CNIH3: variants seen among roughly 807,000 people sequenced by gnomAD.
CNIH3 encodes cornichon family AMPA receptor auxiliary protein 3, also known as protein cornichon homolog 3.
In CNIH3, 14 loss-of-function variants were observed where a neutral mutation model predicts 24.1. The observed-to-expected ratio is 0.58, with a 90% confidence interval of 0.38 to 0.91. The LOEUF (loss-of-function observed/expected upper bound fraction) is 0.91. Ranked by LOEUF, CNIH3 falls within the 40% of genes least tolerant of loss-of-function variation. The pLI, the probability that CNIH3 is intolerant of heterozygous loss-of-function variation, is 0.00. For synonymous variants in CNIH3, 68 were observed against 73.8 expected, an observed-to-expected ratio of 0.92 and a Z score of 0.40; for missense variants, 178 against 196.8, an observed-to-expected ratio of 0.90 and a Z score of 0.57.
At chr1:224,585,535 G>T (rs1224724395) in intron 5 of CNIH3, among the ~76,000 whole-genome samples, 1 of 151,442 alleles carries the variant, frequency 6.6e-6, no homozygotes, top group Non-Finnish European at 1.5e-5. Context: ...CTGGATTGCA[G>T]TGATGAAATC....
chr1:224,541,475 A>T (rs1679509983), downstream of CNIH3, among the ~76,000 whole-genome samples: 1 of 152,206 alleles, frequency 6.6e-6, no homozygotes, highest in African/African-American at 2.4e-5. Context: ...AAAGTTAGAT[A>T]AGAGGAAAGA....
At chr1:224,514,084 C>G (rs952091123), upstream of CNIH3, 3 of 152,260 alleles carry the variant, frequency 2.0e-5, no homozygotes, top group Non-Finnish European at 4.4e-5. Context: ...ACACCCTTCT[C>G]CTTCAAACCT....
At chr1:224,642,986 G>A (rs1474713939) in intron 1 of CNIH3, among the ~76,000 whole-genome samples, 1 of 152,116 alleles carries the variant, frequency 6.6e-6, no homozygotes. Context: ...GCCAAGGTGT[G>A]GTTCTCCTCC....
chr1:224,476,313 C>T lies in CNIH3; in HGVS notation n.204-39428C>T, dbSNP rs78199860. On this transcript the variant is annotated intron_variant and non_coding_transcript_variant, in intron 1 of 5. Coordinates refer to the CNIH3 transcript ENST00000471578. Reference sequence around the variant, plus strand: ...TTAGCCTTGTTTGCAGATAATACATCTAATATTCAGAAAAACCTAAAGACT... The same window carrying T: ...TTAGCCTTGTTTGCAGATAATACATTTAATATTCAGAAAAACCTAAAGACT... 1.3e-3 allele frequency among the ~76,000 whole-genome samples: 195 copies of T among 152,264 alleles called. 2 individuals are homozygous for T. The East Asian group carries it at 0.028, about 22-fold the overall frequency.
chr1:224,525,272 C>T (rs1489228708), intron 2 of CNIH3, among the ~76,000 whole-genome samples: 2 of 152,224 alleles, frequency 1.3e-5, no homozygotes, highest in African/African-American at 2.4e-5. Context: ...TGGTGTCATG[C>T]AACTTTTAAC....
exon 6 of CNIH3, chr1:224,588,591 C>T (rs1558187744): frequency 6.6e-6 from 1 of 151,776 alleles, no homozygotes; most frequent in Non-Finnish European, 1.5e-5. Context: ...CTGGTAGGAT[C>T]TTTGCCACTA....
chr1:224,466,002 TG>T (rs1373801844), intron 1 of CNIH3, among the ~76,000 whole-genome samples: 1 of 152,186 alleles, frequency 6.6e-6, no homozygotes, highest in Admixed American at 6.5e-5. Flanking sequence ...CACTCCAGCC[TG>T]GGTGATGAGA....
Position 224,628,940 on chromosome 1 carries a change from C to G in CNIH3, c.81+11685C>G, listed in dbSNP as rs138476143. On this transcript the variant is annotated intron_variant, in intron 1 of 5. Coordinates refer to ENST00000272133, the MANE Select transcript of CNIH3 (RefSeq NM_152495.2). ...TCTACCCAGGACCTGGAACTCCCCC[C>G]CAACCACCTGCCACCCCCACTTTGA... 4.9e-3 allele frequency among the ~76,000 whole-genome samples: 744 copies of G among 151,866 alleles called. 9 individuals carry two copies. The highest frequency in any genetic ancestry group is 0.016 in the African/African-American group (676 of 41,422).
At chr1:224,512,700 C>T (rs712067), upstream of CNIH3, among the ~76,000 whole-genome samples, 946 of 152,146 alleles carry the variant, frequency 6.2e-3, 9 homozygotes, top group African/African-American at 0.021. Flanking sequence ...TTTCCTTCAT[C>T]CCACCCACCC....
At chr1:224,649,020 G>A (rs1200908042) in intron 1 of CNIH3, among the ~76,000 whole-genome samples, 1 of 152,146 alleles carries the variant, frequency 6.6e-6, no homozygotes, top group African/African-American at 2.4e-5. Context: ...CCCATCAGTG[G>A]TGGCTCCTTC....
At chr1:224,535,263 G>A (rs1475504486) in intron 2 of CNIH3, among the ~76,000 whole-genome samples, 7 of 152,102 alleles carry the variant, frequency 4.6e-5, no homozygotes, top group East Asian at 1.9e-4. Context: ...ACTCCATGCC[G>A]TGACAGAGGA....
intron 1 of CNIH3, among the ~76,000 whole-genome samples, chr1:224,445,152 A>G (rs1379873081): frequency 6.6e-6 from 1 of 152,168 alleles, no homozygotes; most frequent in Admixed American, 6.5e-5. Context: ...GTGTGTGTAT[A>G]TAAATACATA....
chr1:224,610,172 C>T (rs1682615935), intron 3 of CNIH3, among the ~76,000 whole-genome samples: 1 of 152,142 alleles, frequency 6.6e-6, no homozygotes, highest in South Asian at 2.1e-4. Context: ...GTAGGTTAGG[C>T]TAAGTTATAA....
intron 3 of CNIH3, among the ~76,000 whole-genome samples, chr1:224,706,478 G>T (rs1179853379): frequency 6.6e-6 from 1 of 152,166 alleles, no homozygotes; most frequent in Non-Finnish European, 1.5e-5. Context: ...GGTCTGAGGA[G>T]TAACAGTGCG....
chr1:224,477,489 G>A (rs914219631), intron 1 of CNIH3, among the ~76,000 whole-genome samples: 1 of 152,158 alleles, frequency 6.6e-6, no homozygotes, highest in Non-Finnish European at 1.5e-5. Context: ...TGATGACAAT[G>A]CTGCCTGCAT....
At position 224,484,362 on chromosome 1, in the gene CNIH3, G is replaced by A. The variant is rs189964298; in HGVS notation, n.204-31379G>A. On this transcript the variant is annotated intron_variant and non_coding_transcript_variant, in intron 1 of 5. Coordinates refer to the CNIH3 transcript ENST00000471578. ...GGAGAATGGCACGAACCTGGGAGGC[G>A]GAGCTTGCAGTGAGCCGAGATCACG... Among the ~76,000 whole-genome samples, 141 of 151,930 alleles carry A rather than the reference G, an allele frequency of 9.3e-4. 1 individual carries two copies. Among genetic ancestry groups the A allele is most frequent in the African/African-American group, 3.3e-3 (136 of 41,434 alleles).
chr1:224,632,614 TGG>T (rs752588955), intron 1 of CNIH3, among the ~76,000 whole-genome samples: 4 of 151,236 alleles, frequency 2.6e-5, no homozygotes, highest in Non-Finnish European at 4.4e-5. Context: ...GAGAGCGGGG[TGG>T]GGTGGTGAGG....
intron 3 of CNIH3, among the ~76,000 whole-genome samples, chr1:224,727,153 A>C (rs912299063): frequency 6.6e-6 from 1 of 152,146 alleles, no homozygotes; most frequent in Admixed American, 6.5e-5. Flanking sequence ...CTTGTTAAGG[A>C]AGGGCTGAGT....
At chr1:224,615,818 T>A (rs1421586323), upstream of CNIH3, 1 of 152,216 alleles carries the variant, frequency 6.6e-6, no homozygotes, top group African/African-American at 2.4e-5. Flanking sequence ...AACGCAGCCC[T>A]AAGCACTGAG....
Sources: gnomAD v4.1 joint callset for allele counts (sites outside exome capture counted in the v4.1 genomes callset) on GRCh38, gnomAD v4.1.1 for gene constraint, MANE v1.5 for transcripts, NCBI Gene and HGNC (gene_info 2026-07-23, HGNC 2026-07-21) for gene names.